CRPPA: variants seen among roughly 807,000 people sequenced by gnomAD.
CRPPA encodes the protein CDP-L-ribitol pyrophosphorylase A.
In CRPPA, 43 loss-of-function variants were observed where a neutral mutation model predicts 52.0. The observed-to-expected ratio is 0.83, with a 90% CI of 0.65 to 1.07. CRPPA has a LOEUF of 1.07. Ranked by LOEUF, CRPPA falls within the 50% of genes least tolerant of loss-of-function variation. The probability of loss-of-function intolerance (pLI) is 0.00; values close to 1 mark genes in which losing one functional copy is unlikely to be tolerated. For missense variants in CRPPA, 629 were observed against 551.7 expected (o/e 1.14, Z -1.40); for synonymous variants, 250 against 203.5 (o/e 1.23, Z -1.94).
intron 9 of CRPPA, among the ~76,000 whole-genome samples, chr7:16,149,137 A>G (rs1209544350): frequency 6.6e-6 from 1 of 152,188 alleles, no homozygotes; most frequent in Admixed American, 6.5e-5. Context: ...TACTATGAAT[A>G]TACATATGGT....
intron 9 of CRPPA, among the ~76,000 whole-genome samples, chr7:16,093,368 G>A (rs2128361542): frequency 6.6e-6 from 1 of 152,202 alleles, no homozygotes; most frequent in Non-Finnish European, 1.5e-5. Context: ...CCTAAAGCCT[G>A]GCAATAGTAC....
chr7:16,356,028 A>G (rs190220252), intron 3 of CRPPA, among the ~76,000 whole-genome samples: 1 of 151,118 alleles, frequency 6.6e-6, no homozygotes, highest in Admixed American at 6.7e-5. Flanking sequence ...TAGCTAAGCT[A>G]AGTAACGAAG....
chr7:16,095,749 A>G (rs1192874215), intron 9 of CRPPA, among the ~76,000 whole-genome samples: 1 of 152,212 alleles, frequency 6.6e-6, no homozygotes, highest in African/African-American at 2.4e-5. Context: ...ACATAGATTA[A>G]CAATTTAAAG....
intron 9 of CRPPA, among the ~76,000 whole-genome samples, chr7:16,139,247 C>T (rs928401508): frequency 2.0e-5 from 3 of 152,182 alleles, no homozygotes; most frequent in Non-Finnish European, 4.4e-5. Flanking sequence ...AACATTGTGA[C>T]TTTGGGCAAA....
At chr7:16,335,406 T>C (rs1468264164) in intron 3 of CRPPA, among the ~76,000 whole-genome samples, 1 of 152,100 alleles carries the variant, frequency 6.6e-6, no homozygotes, top group Non-Finnish European at 1.5e-5. Context: ...ATCTGAAATT[T>C]ACTAAAGTGT....
At chr7:16,402,290 A>T (rs998655423) in intron 2 of CRPPA, among the ~76,000 whole-genome samples, 2 of 152,342 alleles carry the variant, frequency 1.3e-5, no homozygotes, top group Middle Eastern at 6.8e-3. Flanking sequence ...CACAGAATCT[A>T]TAAAACTTCA....
intron 3 of CRPPA, among the ~76,000 whole-genome samples, chr7:16,353,934 C>G (rs1786227115): frequency 6.6e-6 from 1 of 152,148 alleles, no homozygotes; most frequent in Non-Finnish European, 1.5e-5. Context: ...CTGATTTCAT[C>G]ATTCCACAAT....
intron 8 of CRPPA, among the ~76,000 whole-genome samples, chr7:16,223,520 G>A (rs894380970): frequency 7.2e-5 from 11 of 152,102 alleles, no homozygotes; most frequent in Admixed American, 2.0e-4. Flanking sequence ...ATGCAAAGGC[G>A]TGATGATGAC....
At chr7:16,387,054 T>C (rs1377698212) in intron 2 of CRPPA, among the ~76,000 whole-genome samples, 1 of 56,788 alleles carries the variant, frequency 1.8e-5, no homozygotes, top group East Asian at 4.9e-4. Flanking sequence ...GATATATATA[T>C]ATATATATAT....
intron 9 of CRPPA, among the ~76,000 whole-genome samples, chr7:16,123,669 G>A (rs1434140570): frequency 2.0e-5 from 3 of 152,118 alleles, no homozygotes; most frequent in Non-Finnish European, 4.4e-5. Flanking sequence ...CATGGGAAGA[G>A]GTCATTACAG....
intron 2 of CRPPA, among the ~76,000 whole-genome samples, chr7:16,389,928 A>AAAATATATATATATATAT: frequency 3.4e-5 from 1 of 29,770 alleles, no homozygotes; most frequent in South Asian, 1.7e-3. Flanking sequence ...AAAAAAAAAA[A>AAAATATATATATATATAT]ATATATATAT....
chr7:16,135,263 A>G (rs1282891688), intron 9 of CRPPA, among the ~76,000 whole-genome samples: 1 of 152,226 alleles, frequency 6.6e-6, no homozygotes, highest in Non-Finnish European at 1.5e-5. Context: ...CTAAGCAAGT[A>G]TAGTGTCAAG....
In CRPPA at chr7:16,406,073, A is replaced by G. The variant is rs1430684925; in HGVS notation, c.522T>C (p.Ala174=). The G allele has an allele frequency of 1.2e-6, 2 of 1,613,474 alleles. No homozygotes were observed. The highest frequency in any genetic ancestry group is 1.6e-4 in the Middle Eastern group (1 of 6,062). The change falls in exon 2 of 10, where the codon GCT becomes GCC. Residue 174 remains alanine, a synonymous_variant. Transcript: ENST00000407010. ...AAAAAAGACTTACCCCGTGTTCCTT[A>G]GCAGCTGTGACAACTTTAAGAAGGA... The part of the protein sequence containing the change: ...EGVLLKVVTA[A]KEHGAAGAIR...
rs577756709 is a variant in CRPPA, at chr7:16,194,163, C to T, written c.1251+21903G>A. ...CACATGAAGATTCCTCTGCTAGTCCCGGAGGAAACCTAATCTAGGCCTTTT... is the reference window on the plus strand; with the variant it reads ...CACATGAAGATTCCTCTGCTAGTCCTGGAGGAAACCTAATCTAGGCCTTTT... On this transcript the variant is annotated intron_variant, in intron 9 of 9. Coordinates refer to ENST00000407010, the MANE Select transcript of CRPPA (RefSeq NM_001101426.4). 9.9e-5 allele frequency among the ~76,000 whole-genome samples: 15 copies of T among 152,184 alleles called. No homozygotes were observed. In the South Asian group the frequency reaches 1.2e-3, roughly 13 times the overall value.
intron 3 of CRPPA, among the ~76,000 whole-genome samples, chr7:16,370,485 A>G (rs1172180749): frequency 6.6e-6 from 1 of 152,136 alleles, no homozygotes; most frequent in Admixed American, 6.5e-5. Flanking sequence ...AGAGTCTGGT[A>G]GCCCCACTGG....
At chr7:16,373,014 G>C (rs1197678191) in intron 3 of CRPPA, among the ~76,000 whole-genome samples, 1 of 152,240 alleles carries the variant, frequency 6.6e-6, no homozygotes, top group Non-Finnish European at 1.5e-5. Context: ...GTGGAAATAA[G>C]CCAAGTGTGG....
At chr7:16,253,631 C>A (rs1158270531) in intron 8 of CRPPA, among the ~76,000 whole-genome samples, 2 of 152,032 alleles carry the variant, frequency 1.3e-5, no homozygotes, top group South Asian at 2.1e-4. Context: ...CCGCTTGGTG[C>A]AGAGATGAGT....
intron 3 of CRPPA, among the ~76,000 whole-genome samples, chr7:16,373,305 A>G (rs1786798424): frequency 6.6e-6 from 1 of 152,184 alleles, no homozygotes; most frequent in South Asian, 2.1e-4. Flanking sequence ...TCAGAAAAAA[A>G]AAAGAATAGA....
chr7:16,318,533 G>A (rs918870383), intron 3 of CRPPA, among the ~76,000 whole-genome samples: 3 of 152,194 alleles, frequency 2.0e-5, no homozygotes, highest in African/African-American at 7.2e-5. Context: ...AACCTCAGTG[G>A]CATGTAGCAA....
Sources: gnomAD v4.1 joint callset for allele counts (sites outside exome capture counted in the v4.1 genomes callset) on GRCh38, gnomAD v4.1.1 for gene constraint, MANE v1.5 for transcripts, NCBI Gene and HGNC (gene_info 2026-07-23, HGNC 2026-07-21) for gene names.